Variants in FBXO7 observed in about 807,000 individuals in gnomAD.
The protein encoded by FBXO7 is F-box only protein 7.
FBXO7 carries 31 observed loss-of-function variants against 50.2 expected under a neutral mutation model. The ratio of observed to expected loss-of-function variants is 0.62; its 90% CI spans 0.46 to 0.83. The LOEUF is 0.83. Ranked by LOEUF, FBXO7 falls within the 40% of genes least tolerant of loss-of-function variation. FBXO7 has a pLI of 0.00. For missense variants in FBXO7, 667 were observed against 646.6 expected (o/e 1.03, Z -0.34); for synonymous variants, 256 against 253.1 (o/e 1.01, Z -0.11).
At chr22:32,486,832 C>CA (rs113075532) in intron 4 of FBXO7, among the ~76,000 whole-genome samples, 8 of 152,294 alleles carry the variant, frequency 5.3e-5, no homozygotes, top group African/African-American at 1.9e-4. Flanking sequence ...TTCTTGTACA[C>CA]AGAGTGTCAA....
Position 32,475,320 on chromosome 22 carries a change from G to T in FBXO7, c.122+196G>T, listed in dbSNP as rs965818614. 5.6e-6 allele frequency: 9 copies of T among 1,607,490 alleles called. No homozygotes were observed. The African/African-American group carries it at 1.2e-4, about 22-fold the overall frequency. ...CGCGGAGCCGGAGGGTGCAGGCGAC[G>T]GGAAGCGCGGGTGGTCGGCTGGGGT... On this transcript the variant is annotated intron_variant, in intron 1 of 8. Coordinates refer to ENST00000266087, the MANE Select transcript of FBXO7 (RefSeq NM_012179.4).
chr22:32,485,713 A>G (rs1157380371), intron 4 of FBXO7, among the ~76,000 whole-genome samples: 1 of 152,164 alleles, frequency 6.6e-6, no homozygotes. Flanking sequence ...CTTAGTAAGT[A>G]TGTGTTTTAT....
intron 6 of FBXO7, chr22:32,491,560 CAT>C (rs758244125): frequency 3.9e-4 from 38 of 97,960 alleles, no homozygotes; most frequent in Non-Finnish European, 5.5e-4. Context: ...TCTATATAGA[CAT>C]ATATTTAGAT....
intron 3 of FBXO7, 77 bp downstream of exon 3, chr22:32,484,201 T>A: frequency 7.6e-7 from 1 of 1,317,564 alleles, no homozygotes; most frequent in Non-Finnish European, 1.1e-6. Context: ...AAGTTGCCCG[T>A]AGTCTGAGAG....
intron 3 of FBXO7, 91 bp downstream of exon 3, chr22:32,484,215 C>A: frequency 9.5e-7 from 1 of 1,050,040 alleles, no homozygotes; most frequent in Non-Finnish European, 1.5e-6. Context: ...CTGAGAGTGG[C>A]AGAGAGAGAC....
chr22:32,476,373 A>G (rs999028692), intron 1 of FBXO7, among the ~76,000 whole-genome samples: 5 of 152,162 alleles, frequency 3.3e-5, no homozygotes, highest in Non-Finnish European at 7.4e-5. Context: ...TATTTTTTAA[A>G]GGTATTACCA....
At chr22:32,488,576 G>T (rs2057514116) in intron 5 of FBXO7, 1 of 152,212 alleles carries the variant, frequency 6.6e-6, no homozygotes. Flanking sequence ...TAAGAGCCTA[G>T]TGGGAATGTT....
intron 2 of FBXO7, 99 bp downstream of exon 2, chr22:32,479,374 G>C: frequency 9.7e-7 from 1 of 1,035,736 alleles, no homozygotes; most frequent in Non-Finnish European, 1.5e-6. Flanking sequence ...ATCATCGATA[G>C]ATTGCACATT....
rs2057531669 is a variant in FBXO7 at position 32,491,081 on chromosome 22, T to A, written c.872-5T>A. ...GTTTTGATTTTACTTTAAAAAATAT[T>A]CTAGGGGAAAATGTAGCCAACATAT... On this transcript the variant is annotated splice_polypyrimidine_tract_variant and splice_region_variant and intron_variant, in intron 5 of 8. Coordinates refer to ENST00000266087, the MANE Select transcript of FBXO7 (RefSeq NM_012179.4). 1 of 1,607,802 alleles carries A rather than the reference T, an allele frequency of 6.2e-7. No homozygotes were observed. Among genetic ancestry groups the A allele is most frequent in the African/African-American group, 1.3e-5 (1 of 74,906 alleles).
Position 32,487,802 on chromosome 22 carries a change from A to T in FBXO7, c.845A>T (p.Glu282Val), listed in dbSNP as rs548771795. The stretch of plus-strand genomic sequence containing the variant: ...GTGAAAAGATTGCAGCTGCTACCAG[A>T]ATCTTTTATTTGCAAAGAGAAACTA... Reference protein sequence around the residue: ...RSVKRLQLLPESFICKEKLGE... With the variant: ...RSVKRLQLLPVSFICKEKLGE... Residue 282 changes from glutamate (E) to valine (V), a missense_variant, in exon 5 of 9, where the codon GAA becomes GTA. Transcript: ENST00000266087. 1 of 1,609,474 alleles carries T rather than the reference A, an allele frequency of 6.2e-7. No individual in the cohort carries two copies. Among genetic ancestry groups the T allele is most frequent in the Non-Finnish European group, 8.5e-7 (1 of 1,176,340 alleles).
At chr22:32,497,458 A>G (rs2057582561) in intron 8 of FBXO7, among the ~76,000 whole-genome samples, 1 of 152,234 alleles carries the variant, frequency 6.6e-6, no homozygotes, top group African/African-American at 2.4e-5. Context: ...GTTGCTGCAA[A>G]AGACATTATT....
intron 7 of FBXO7, among the ~76,000 whole-genome samples, chr22:32,493,514 G>A (rs1037043069): frequency 6.6e-6 from 1 of 152,168 alleles, no homozygotes; most frequent in African/African-American, 2.4e-5. Flanking sequence ...TTTCAGGATA[G>A]AGAAATGGAA....
At position 32,498,672 on chromosome 22, in the gene FBXO7, C is replaced by G; in HGVS notation, c.*142C>G. On this transcript the variant is annotated 3_prime_UTR_variant, in exon 9 of 9. Coordinates refer to ENST00000266087, the MANE Select transcript of FBXO7 (RefSeq NM_012179.4). ...ACTCCCAGAAACCTTTTAAGAGATA[C>G]ATTTATAGCCCTAGGGGTGGTATGA... The G allele has an allele frequency of 3.0e-6, 3 of 1,006,304 alleles. No homozygotes were observed. Among genetic ancestry groups the G allele is most frequent in the Middle Eastern group, 3.1e-4 (1 of 3,272 alleles). The allele number at this position is 1,006,304 out of a possible 1,614,324, so 62.3% of individuals were successfully genotyped here.
rs2145994343 is a variant in FBXO7, at chr22:32,485,210, G to C, written c.787+1G>C. ...TTGGGAAACCTGATTGTTGTAAATGGTAATTGGATAGCATAGTCATGGTTG... is the reference window on the plus strand; with the variant it reads ...TTGGGAAACCTGATTGTTGTAAATGCTAATTGGATAGCATAGTCATGGTTG... On this transcript the variant is annotated splice_donor_variant, in intron 4 of 8. Transcript: ENST00000266087. LOFTEE classifies it high-confidence loss of function. The C allele has an allele frequency of 6.2e-7, 1 of 1,614,066 alleles. No individual in the cohort carries two copies. The highest frequency in any genetic ancestry group is 8.5e-7 in the Non-Finnish European group (1 of 1,179,986).
chr22:32,493,842 G>A (rs560220531), intron 7 of FBXO7, among the ~76,000 whole-genome samples: 1 of 151,678 alleles, frequency 6.6e-6, no homozygotes, highest in East Asian at 1.9e-4. Context: ...TTGACCCTGG[G>A]GTGGGTCATG....
chr22:32,493,269 C>A lies in FBXO7; in HGVS notation c.1132C>A (p.Arg378Ser). 1 of 1,613,706 alleles carries A rather than the reference C, an allele frequency of 6.2e-7. No homozygotes were observed. Among genetic ancestry groups the A allele is most frequent in the Non-Finnish European group, 8.5e-7 (1 of 1,179,652 alleles). The change falls in exon 7 of 9, where the codon CGT becomes AGT. Residue 378 changes from arginine (R) to serine (S), a missense_variant. Transcript: ENST00000266087. ...ACTCCTGTGGAGGTTTTTATATCTGCGTGATTTTCGAGGTGATTTCCGTAA... is the reference window on the plus strand; with the variant it reads ...ACTCCTGTGGAGGTTTTTATATCTGAGTGATTTTCGAGGTGATTTCCGTAA... Reference protein sequence around the residue: ...DPLLWRFLYLRDFRDNTVRVQ... With the variant: ...DPLLWRFLYLSDFRDNTVRVQ...
chr22:32,475,247 G>A, intron 1 of FBXO7, 123 bp downstream of exon 1: 2 of 1,538,874 alleles, frequency 1.3e-6, no homozygotes, highest in Admixed American at 2.1e-5. Context: ...GGCCAAGTGC[G>A]GGGACGCCGG....
intron 6 of FBXO7, chr22:32,491,707 G>C (rs1446780444): frequency 1.3e-5 from 2 of 151,544 alleles, no homozygotes; most frequent in Non-Finnish European, 2.9e-5. Context: ...CACTTAGTTG[G>C]ATATTTCACA....
At chr22:32,497,985 A>G (rs1394154179) in intron 8 of FBXO7, among the ~76,000 whole-genome samples, 159 bp from the exon 9 acceptor site, 1 of 152,218 alleles carries the variant, frequency 6.6e-6, no homozygotes, top group East Asian at 1.9e-4. Context: ...GAAACCAAAA[A>G]AATTTGTGTG....
Sources: allele counts gnomAD v4.1 joint callset (sites outside exome capture counted in the v4.1 genomes callset), GRCh38; gene constraint gnomAD v4.1.1; transcripts MANE v1.5; gene names NCBI Gene and HGNC (gene_info 2026-07-23, HGNC 2026-07-21).